Variants in LUC7L2 observed in about 807,000 individuals in gnomAD.
The protein encoded by LUC7L2 is putative RNA-binding protein Luc7-like 2.
LUC7L2 carries 25 observed loss-of-function variants against 52.8 expected under a neutral mutation model. The observed-to-expected ratio is 0.47, with a 90% CI of 0.34 to 0.66. The LOEUF is 0.66. Among genes scored for constraint, LUC7L2 ranks in the 30% least tolerant of loss-of-function variants. LUC7L2 has a pLI of 0.01. For synonymous variants in LUC7L2, 144 were observed against 160.9 expected (o/e 0.89, Z 0.80); for missense variants, 328 against 497.8 (o/e 0.66, Z 3.25).
At chr7:139,377,038 T>C (rs117654943) in intron 2 of LUC7L2, among the ~76,000 whole-genome samples, 4,479 of 152,298 alleles carry the variant, frequency 0.029, 91 homozygotes, top group Middle Eastern at 0.058. Flanking sequence ...CCTTTGACTT[T>C]TTCCAGGAGG....
chr7:139,412,695 A>T, intron 8 of LUC7L2, 115 bp downstream of exon 8: 1 of 1,253,736 alleles, frequency 8.0e-7, no homozygotes, highest in Non-Finnish European at 1.1e-6. Context: ...GGGCACGGTG[A>T]TGCATGCTTG....
intron 3 of LUC7L2, among the ~76,000 whole-genome samples, chr7:139,401,218 A>G (rs2131281381): frequency 6.6e-6 from 1 of 152,116 alleles, no homozygotes; most frequent in South Asian, 2.1e-4. Flanking sequence ...CTTGTCTCAA[A>G]AAAAAAAATT....
At chr7:139,374,681 T>C in intron 1 of LUC7L2, 1 of 1,303,660 alleles carries the variant, frequency 7.7e-7, no homozygotes, top group Non-Finnish European at 9.8e-7. Flanking sequence ...TCATTTTAAC[T>C]ATAAATTACT....
At chr7:139,361,774 G>GA (rs1799896822) in intron 1 of LUC7L2, among the ~76,000 whole-genome samples, 1 of 66,592 alleles carries the variant, frequency 1.5e-5, no homozygotes, top group Admixed American at 1.2e-4. Context: ...TCCAACATGA[G>GA]AGAGGGTATT....
At chr7:139,383,279 C>T (rs977336791) in intron 2 of LUC7L2, among the ~76,000 whole-genome samples, 1 of 151,908 alleles carries the variant, frequency 6.6e-6, no homozygotes, top group African/African-American at 2.4e-5. Flanking sequence ...CCACACCTGG[C>T]TAATTTTTTT....
chr7:139,404,011 G>A (rs1352762954), intron 4 of LUC7L2, among the ~76,000 whole-genome samples: 1 of 152,136 alleles, frequency 6.6e-6, no homozygotes, highest in Admixed American at 6.5e-5. Flanking sequence ...ATGGATACAG[G>A]GAAGAAAGAA....
intron 2 of LUC7L2, among the ~76,000 whole-genome samples, chr7:139,384,713 C>G (rs1210414520): frequency 1.3e-5 from 2 of 151,852 alleles, no homozygotes; most frequent in Admixed American, 6.6e-5. Flanking sequence ...GTACTCACGC[C>G]CTTTGGAAAT....
At chr7:139,342,056 G>A (rs1345315612) in intron 1 of LUC7L2, among the ~76,000 whole-genome samples, 1 of 152,156 alleles carries the variant, frequency 6.6e-6, no homozygotes, top group Non-Finnish European at 1.5e-5. Context: ...ACGATCAACT[G>A]TCGAATTTCT....
intron 8 of LUC7L2, among the ~76,000 whole-genome samples, chr7:139,413,324 G>T (rs1399923289): frequency 1.3e-5 from 2 of 151,938 alleles, no homozygotes; most frequent in African/African-American, 4.8e-5. Flanking sequence ...TTTCTTCATG[G>T]ATCCATTCCC....
At chr7:139,371,566 A>AG in intron 1 of LUC7L2, 1 of 942,256 alleles carries the variant, frequency 1.1e-6, no homozygotes, top group Non-Finnish European at 1.6e-6. Flanking sequence ...TACTGGGGGG[A>AG]GGGGGCGGAT....
At chr7:139,386,944 A>C (rs1290421469) in intron 2 of LUC7L2, among the ~76,000 whole-genome samples, 4 of 151,854 alleles carry the variant, frequency 2.6e-5, no homozygotes, top group Non-Finnish European at 5.9e-5. Flanking sequence ...GGTTCAAGCG[A>C]TTCTCCTGCC....
intron 9 of LUC7L2, among the ~76,000 whole-genome samples, chr7:139,418,106 T>C (rs1183213601): frequency 6.6e-6 from 1 of 152,254 alleles, no homozygotes; most frequent in Non-Finnish European, 1.5e-5. Flanking sequence ...CTTTGATTTA[T>C]TGTTTTCTAA....
At chr7:139,408,230 C>T (rs925701086) in intron 6 of LUC7L2, among the ~76,000 whole-genome samples, 18 of 152,092 alleles carry the variant, frequency 1.2e-4, no homozygotes, top group African/African-American at 4.3e-4. Flanking sequence ...AGGGTGATCT[C>T]AAGTAATTTT....
intron 2 of LUC7L2, among the ~76,000 whole-genome samples, chr7:139,383,323 G>A (rs1036516503): frequency 5.3e-5 from 8 of 151,874 alleles, no homozygotes; most frequent in Admixed American, 4.6e-4. Flanking sequence ...TTCTCCAGTT[G>A]GTCAGGCTGG....
intron 2 of LUC7L2, among the ~76,000 whole-genome samples, chr7:139,385,311 CTTT>C (rs58744665): frequency 1.7e-5 from 2 of 118,562 alleles, no homozygotes; most frequent in Non-Finnish European, 1.8e-5. Context: ...GTTAGGATTA[CTTT>C]TTTTTTTTTT....
chr7:139,365,694 G>A (rs1208116586), intron 1 of LUC7L2, among the ~76,000 whole-genome samples: 1 of 152,184 alleles, frequency 6.6e-6, no homozygotes. Context: ...TGGAATTCCA[G>A]AAAGGTGCTT....
intron 1 of LUC7L2, among the ~76,000 whole-genome samples, chr7:139,350,415 C>T (rs991768096): frequency 1.3e-5 from 2 of 152,054 alleles, no homozygotes; most frequent in Admixed American, 1.3e-4. Flanking sequence ...GCCACTGCAC[C>T]CAGCCACCTT....
intron 6 of LUC7L2, among the ~76,000 whole-genome samples, chr7:139,407,985 C>T (rs1170419706): frequency 1.3e-5 from 2 of 152,082 alleles, no homozygotes; most frequent in South Asian, 2.1e-4. Context: ...AATCTATTTA[C>T]CTTTTAATAT....
At chr7:139,386,623 G>A (rs1054746475) in intron 2 of LUC7L2, among the ~76,000 whole-genome samples, 125 of 150,174 alleles carry the variant, frequency 8.3e-4, no homozygotes, top group African/African-American at 2.9e-3. Flanking sequence ...AGCCAGGATG[G>A]TCTCGATCTC....
Sources: allele counts gnomAD v4.1 joint callset (sites outside exome capture counted in the v4.1 genomes callset), GRCh38; gene constraint gnomAD v4.1.1; transcripts MANE v1.5; gene names NCBI Gene and HGNC (gene_info 2026-07-23, HGNC 2026-07-21).